Variants in ABCA13 observed in about 807,000 individuals in gnomAD.
The protein encoded by ABCA13 is ATP binding cassette subfamily A member 13.
A neutral mutation model predicts 478.7 loss-of-function variants in ABCA13; 476 were observed. That is an observed-to-expected ratio of 0.99 (90% confidence interval 0.92 to 1.07). The LOEUF (loss-of-function observed/expected upper bound fraction) is 1.07, where lower values mean the gene tolerates loss of function less well. ABCA13 is among the 50% of genes least tolerant of loss of function. The pLI is 0.00. For synonymous variants in ABCA13, 2,252 were observed against 2,158.9 expected, an observed-to-expected ratio of 1.04 and a Z score of -1.20; for missense variants, 6,060 against 5,910.6, an observed-to-expected ratio of 1.03 and a Z score of -0.83.
At chr7:48,383,719 A>T (rs950862760) in intron 35 of ABCA13, among the ~76,000 whole-genome samples, 1 of 152,242 alleles carries the variant, frequency 6.6e-6, no homozygotes, top group African/African-American at 2.4e-5. Flanking sequence ...TTTTTGAGGA[A>T]GCAGGAAAAA....
chr7:48,234,593 G>T (rs927904530), intron 8 of ABCA13, among the ~76,000 whole-genome samples: 1 of 152,186 alleles, frequency 6.6e-6, no homozygotes, highest in Non-Finnish European at 1.5e-5. Flanking sequence ...ATGCCTGCTG[G>T]GTTCACCAAA....
intron 42 of ABCA13, among the ~76,000 whole-genome samples, chr7:48,442,842 T>C (rs548643995): frequency 1.2e-4 from 19 of 152,220 alleles, no homozygotes; most frequent in Non-Finnish European, 2.8e-4. Context: ...AGAATTCTAC[T>C]TACAATCATA....
rs1815441910 is a variant in ABCA13, at chr7:48,387,971, G to T, written c.11473+12G>T. 1.9e-6 allele frequency: 3 copies of T among 1,591,546 alleles called. No individual in the cohort carries two copies. In the East Asian group the frequency reaches 6.7e-5, roughly 36 times the overall value. On this transcript the variant is annotated intron_variant, in intron 36 of 61. Coordinates refer to ENST00000435803, the MANE Select transcript of ABCA13 (RefSeq NM_152701.5). ...CTTTGACAATAAAGGTTTGTAAGGA[G>T]TAGAATTATTAGATGCATGTATTTT...
At chr7:48,321,749 G>A (rs1453972637) in intron 27 of ABCA13, among the ~76,000 whole-genome samples, 13 of 152,192 alleles carry the variant, frequency 8.5e-5, no homozygotes, top group Admixed American at 7.2e-4. Flanking sequence ...AGATGGCTGA[G>A]GCTCAGAAAG....
chr7:48,244,154 G>A (rs1296661505), intron 10 of ABCA13, among the ~76,000 whole-genome samples: 1 of 152,136 alleles, frequency 6.6e-6, no homozygotes, highest in African/African-American at 2.4e-5. Flanking sequence ...TTGCCAATTG[G>A]CTCAAGTTGG....
intron 51 of ABCA13, among the ~76,000 whole-genome samples, chr7:48,514,466 A>C (rs1831958847): frequency 6.6e-6 from 1 of 152,190 alleles, no homozygotes; most frequent in African/African-American, 2.4e-5. Flanking sequence ...CAGAATATAG[A>C]GTTTGAATCA....
At chr7:48,259,473 T>C (rs1793863438) in intron 15 of ABCA13, among the ~76,000 whole-genome samples, 1 of 152,172 alleles carries the variant, frequency 6.6e-6, no homozygotes, top group African/African-American at 2.4e-5. Context: ...CTTCATTCCT[T>C]TTCTTTCAGC....
At position 48,273,301 on chromosome 7, in the gene ABCA13, T is replaced by C; in HGVS notation, c.3635T>C (p.Leu1212Ser). 6.2e-7 allele frequency: 1 copy of C among 1,613,672 alleles called. No homozygotes were observed. Among genetic ancestry groups the C allele is most frequent in the South Asian group, 1.1e-5 (1 of 91,070 alleles). The change falls in exon 17 of 62, where the codon TTG (leucine) becomes TCG (serine). Residue 1212 changes from leucine to serine, a missense_variant. This residue lies in a region of ABCA13 where 4,423 missense variants were observed against 4,309.1 expected (regional missense o/e 1.03). Coordinates refer to ENST00000435803, the MANE Select transcript of ABCA13 (RefSeq NM_152701.5). ...THNVARLILN[L>S]FKNVTQANDF... ...AATGTTGCTAGACTCATATTAAATT[T>C]GTTTAAAAATGTAACTCAAGCCAAT...
Position 48,287,574 on chromosome 7 carries a change from C to T in ABCA13, c.8837-386C>T, listed in dbSNP as rs572426402. Among the ~76,000 whole-genome samples the T allele has an allele frequency of 4.6e-5, 7 of 152,258 alleles. No individual in the cohort carries two copies. The South Asian group carries it at 1.0e-3, about 23-fold the overall frequency. ...ACACATAGACAGTGTGTAATTCATC[C>T]TTCAAACTGGGGCACTTTTGAGAAT... is the stretch of plus-strand genomic sequence containing the variant. On this transcript the variant is annotated intron_variant, in intron 19 of 61. Transcript: ENST00000435803.
chr7:48,397,346 C>T (rs1282629763), intron 38 of ABCA13, among the ~76,000 whole-genome samples: 2 of 151,924 alleles, frequency 1.3e-5, no homozygotes, highest in Non-Finnish European at 2.9e-5. Context: ...ACAGCAAGTT[C>T]TGAACAAGAT....
intron 59 of ABCA13, among the ~76,000 whole-genome samples, chr7:48,636,590 G>A (rs1166277186): frequency 6.6e-6 from 1 of 152,172 alleles, no homozygotes; most frequent in Admixed American, 6.6e-5. Flanking sequence ...TCCTGCCTGG[G>A]CATGTGCTCC....
chr7:48,553,568 T>C (rs1206053287), intron 55 of ABCA13, among the ~76,000 whole-genome samples: 1 of 152,116 alleles, frequency 6.6e-6, no homozygotes, highest in Non-Finnish European at 1.5e-5. Flanking sequence ...TGAGTGATGT[T>C]GGGAACTTTT....
intron 43 of ABCA13, among the ~76,000 whole-genome samples, chr7:48,464,579 T>C (rs1222970742): frequency 6.6e-6 from 1 of 152,262 alleles, no homozygotes; most frequent in Non-Finnish European, 1.5e-5. Flanking sequence ...AATATAATAC[T>C]AATTTAATGT....
At chr7:48,328,109 A>C (rs1269469630) in intron 27 of ABCA13, among the ~76,000 whole-genome samples, 1 of 152,228 alleles carries the variant, frequency 6.6e-6, no homozygotes, top group Non-Finnish European at 1.5e-5. Flanking sequence ...TAATTATTAA[A>C]GGTGAAAAAT....
intron 5 of ABCA13, among the ~76,000 whole-genome samples, chr7:48,223,732 C>G (rs1157265091): frequency 6.6e-6 from 1 of 151,812 alleles, no homozygotes; most frequent in East Asian, 1.9e-4. Context: ...TGAGGCGGTC[C>G]AATCACCTAA....
At chr7:48,626,517 G>A in intron 59 of ABCA13, 1 of 728,906 alleles carries the variant, frequency 1.4e-6, no homozygotes, top group Non-Finnish European at 1.7e-6. Context: ...GTAAAAAAAA[G>A]GCAAAATAAT....
intron 59 of ABCA13, among the ~76,000 whole-genome samples, chr7:48,641,716 A>G (rs537595889): frequency 2.0e-5 from 3 of 152,316 alleles, no homozygotes; most frequent in African/African-American, 2.4e-5. Flanking sequence ...TGTTATGCCC[A>G]GACACAGCTG....
Position 48,483,150 on chromosome 7 carries a change from C to G in ABCA13, c.13169C>G (p.Pro4390Arg). ...GCAAATGGAAACATATCAAAACCCC[C>G]AACTCTGGCAAAGGTAATCATATTT... ...GGANGNISKP[P>R]TLAKVWYNQK... The change falls in exon 47 of 62, where the codon CCA becomes CGA. Residue 4390 changes from proline (P) to arginine (R), a missense_variant. By Grantham distance (103) the Pro-to-Arg change is moderately radical (BLOSUM62 -2). This residue lies in a region of ABCA13 where 1,627 missense variants were observed against 1,571.0 expected (regional missense o/e 1.04). Transcript: ENST00000435803. 1 of 1,612,558 alleles carries G rather than the reference C, an allele frequency of 6.2e-7. No homozygotes were observed.
chr7:48,403,598 C>T, intron 38 of ABCA13, 85 bp from the exon 39 acceptor site: 1 of 1,358,424 alleles, frequency 7.4e-7, no homozygotes, highest in Non-Finnish European at 1.0e-6. Context: ...ATTTCAGCCA[C>T]TGTTAGTCAT....
Sources: allele counts gnomAD v4.1 joint callset (sites outside exome capture counted in the v4.1 genomes callset), GRCh38; gene constraint gnomAD v4.1.1; regional missense constraint gnomAD v4.1.1; transcripts MANE v1.5; gene names NCBI Gene and HGNC (gene_info 2026-07-23, HGNC 2026-07-21).